BIN3: variants seen among roughly 807,000 people sequenced by gnomAD.
BIN3 encodes the protein bridging integrator 3.
BIN3 carries 41 observed loss-of-function variants against 38.2 expected under a neutral mutation model. That is an observed-to-expected ratio of 1.07 (90% confidence interval 0.84 to 1.39). BIN3 has a LOEUF of 1.39. Ranked by LOEUF, BIN3 falls within the 40% of genes most tolerant of loss-of-function variation. The probability of loss-of-function intolerance (pLI) is 0.00; values close to 1 mark genes in which losing one functional copy is unlikely to be tolerated. For synonymous variants in BIN3, 145 were observed against 122.6 expected (o/e 1.18, Z -1.21); for missense variants, 361 against 324.3 (o/e 1.11, Z -0.87).
rs767983651 is a variant in BIN3 at position 22,621,545 on chromosome 8, G to A, written c.639C>T (p.His213=). Residue 213 remains histidine (H), a synonymous_variant, in exon 9 of 9, where the codon CAC becomes CAT. Coordinates refer to ENST00000276416, the MANE Select transcript of BIN3 (RefSeq NM_018688.6). ...RAQVVYYSEM[H]KIFGDLSHQL... Reference sequence around the variant, plus strand: ...GATGGGACAGGTCTCCAAAGATCTTGTGCATTTCCGAGTAGTACACAACCT... The same window carrying A: ...GATGGGACAGGTCTCCAAAGATCTTATGCATTTCCGAGTAGTACACAACCT... 3 of 1,613,842 alleles carry A rather than the reference G, an allele frequency of 1.9e-6. No homozygotes were observed. In the South Asian group the frequency reaches 3.3e-5, roughly 18 times the overall value.
intron 1 of BIN3, among the ~76,000 whole-genome samples, chr8:22,651,393 C>A (rs1403219244): frequency 1.3e-5 from 2 of 152,232 alleles, no homozygotes; most frequent in African/African-American, 4.8e-5. Context: ...GTGAGGCTCT[C>A]AGCACCAGCT....
At chr8:22,655,916 G>A (rs1803043196) in intron 1 of BIN3, among the ~76,000 whole-genome samples, 1 of 152,120 alleles carries the variant, frequency 6.6e-6, no homozygotes. Flanking sequence ...ATACCACAGA[G>A]TAATCTACCC....
rs1326064862 is a variant in BIN3 at position 22,623,795 on chromosome 8, G to C, written c.615+120C>G. The C allele has an allele frequency of 7.8e-6, 10 of 1,289,912 alleles. No individual in the cohort carries two copies. The Admixed American group carries it at 1.8e-4, about 23-fold the overall frequency. The allele number at this position is 1,289,912 out of a possible 1,614,324, so 79.9% of individuals were successfully genotyped here. Reference sequence around the variant, plus strand: ...ATGGAATGAATTCCTTCAGGGCTTTGCCTGGGGTGGGTGCCCTGTCTTTAC... The same window carrying C: ...ATGGAATGAATTCCTTCAGGGCTTTCCCTGGGGTGGGTGCCCTGTCTTTAC... On this transcript the variant is annotated intron_variant, in intron 8 of 8. Coordinates refer to ENST00000276416, the MANE Select transcript of BIN3 (RefSeq NM_018688.6).
intron 1 of BIN3, among the ~76,000 whole-genome samples, chr8:22,665,746 G>C (rs1205336012): frequency 6.6e-6 from 1 of 152,188 alleles, no homozygotes; most frequent in African/African-American, 2.4e-5. Flanking sequence ...GCCCAGAGTT[G>C]GGCCTCTATC....
chr8:22,647,254 G>A (rs73671243), intron 1 of BIN3, among the ~76,000 whole-genome samples: 2,339 of 152,298 alleles, frequency 0.015, 56 homozygotes, highest in African/African-American at 0.052. Context: ...AAGGGACCAA[G>A]AATCAGAAAC....
intron 1 of BIN3, among the ~76,000 whole-genome samples, chr8:22,668,779 A>G (rs989948939): frequency 2.0e-5 from 3 of 152,220 alleles, no homozygotes; most frequent in African/African-American, 7.2e-5. Context: ...TCAAGGAGCT[A>G]GGAGGACGCG....
intron 1 of BIN3, among the ~76,000 whole-genome samples, chr8:22,660,189 G>A (rs1396382859): frequency 2.6e-5 from 4 of 152,230 alleles, no homozygotes; most frequent in Non-Finnish European, 5.9e-5. Context: ...AAGGAGGCAA[G>A]TTTGGATTTT....
At chr8:22,623,758 G>A (rs1380018633) in intron 8 of BIN3, among the ~76,000 whole-genome samples, 157 bp downstream of exon 8, 1 of 152,180 alleles carries the variant, frequency 6.6e-6, no homozygotes, top group East Asian at 1.9e-4. Flanking sequence ...CGCTGAGCCT[G>A]GGACTCTGGT....
rs779958916 is a variant in BIN3, at chr8:22,630,531, G to A, written c.208C>T (p.Pro70Ser). Reference sequence around the variant, plus strand: ...AGGTCCTGGTCTTGCTCACAGAGGGGATTGGAGAGTAAGTCCAAGGATATC... The same window carrying A: ...AGGTCCTGGTCTTGCTCACAGAGGGAATTGGAGAGTAAGTCCAAGGATATC... Reference protein sequence around the residue: ...VKISLDLLSNPLCEQDQDLLN... With the variant: ...VKISLDLLSNSLCEQDQDLLN... The change falls in exon 5 of 9, where the codon CCC becomes TCC. Residue 70 changes from proline to serine, a missense_variant. Pro to Ser is a moderately conservative substitution (Grantham distance 74, BLOSUM62 -1). Coordinates refer to ENST00000276416, the MANE Select transcript of BIN3 (RefSeq NM_018688.6). 1 of 1,614,054 alleles carries A rather than the reference G, an allele frequency of 6.2e-7. No individual in the cohort carries two copies. The highest frequency in any genetic ancestry group is 1.7e-5 in the Admixed American group (1 of 60,032).
chr8:22,644,617 T>A (rs1422325491), intron 2 of BIN3, 138 bp downstream of exon 2: 2 of 777,604 alleles, frequency 2.6e-6, no homozygotes, highest in East Asian at 5.5e-5. Context: ...TGTGAGGTTC[T>A]AGATCCGCAT....
intron 8 of BIN3, 90 bp from the exon 9 acceptor site, chr8:22,621,658 T>C: frequency 7.5e-7 from 1 of 1,341,046 alleles, no homozygotes; most frequent in Non-Finnish European, 1.0e-6. Flanking sequence ...TGCTACCCCC[T>C]GCCCTTACCC....
chr8:22,632,965 T>C (rs1167158160), intron 4 of BIN3, among the ~76,000 whole-genome samples: 1 of 152,164 alleles, frequency 6.6e-6, no homozygotes, highest in Non-Finnish European at 1.5e-5. Context: ...TGCCTTTGCC[T>C]GCCAAAGTGC....
At position 22,637,047 on chromosome 8, in the gene BIN3, C is replaced by A. The variant is rs575093708; in HGVS notation, c.58-85G>T. On this transcript the variant is annotated intron_variant, in intron 2 of 8. Coordinates refer to ENST00000276416, the MANE Select transcript of BIN3 (RefSeq NM_018688.6). ...CCAGCCTCCTGAAACTCTCTCCACACCCTGCCCCAGTCCGCAGAAAACAAC... is the reference window on the plus strand; with the variant it reads ...CCAGCCTCCTGAAACTCTCTCCACAACCTGCCCCAGTCCGCAGAAAACAAC... 1.3e-4 allele frequency: 162 copies of A among 1,236,444 alleles called. 2 individuals carry two copies. The South Asian group carries it at 2.0e-3, about 15-fold the overall frequency. 76.6% of individuals were successfully genotyped at this position (1,236,444 alleles called of 1,614,324 possible). A position where few individuals can be genotyped will look rare whatever the true frequency, so the allele number is the denominator to read the frequency against.
intron 1 of BIN3, among the ~76,000 whole-genome samples, chr8:22,663,572 T>C (rs1384861092): frequency 6.6e-6 from 1 of 152,144 alleles, no homozygotes; most frequent in Non-Finnish European, 1.5e-5. Context: ...GCCATGCCAC[T>C]TCCCTGCTCA....
intron 4 of BIN3, among the ~76,000 whole-genome samples, chr8:22,633,329 C>A (rs1253952323): frequency 1.3e-5 from 2 of 152,184 alleles, no homozygotes; most frequent in Non-Finnish European, 2.9e-5. Context: ...AACAGCAGGT[C>A]TCCATGCCCC....
At chr8:22,655,668 G>C (rs1803033722) in intron 1 of BIN3, among the ~76,000 whole-genome samples, 1 of 152,128 alleles carries the variant, frequency 6.6e-6, no homozygotes, top group African/African-American at 2.4e-5. Context: ...CATTACTGTA[G>C]CTTTGTAGTA....
chr8:22,660,734 T>A (rs1389646432), intron 1 of BIN3, among the ~76,000 whole-genome samples: 1 of 152,188 alleles, frequency 6.6e-6, no homozygotes, highest in Admixed American at 6.5e-5. Context: ...AGGGAATATA[T>A]AATAAATACT....
intron 1 of BIN3, among the ~76,000 whole-genome samples, chr8:22,657,811 A>G (rs1803103334): frequency 1.3e-5 from 2 of 152,198 alleles, no homozygotes; most frequent in African/African-American, 2.4e-5. Context: ...TGGGTCTCCC[A>G]CTGCAGGCAC....
At chr8:22,668,426 C>T (rs1803497191) in intron 1 of BIN3, among the ~76,000 whole-genome samples, 1 of 152,218 alleles carries the variant, frequency 6.6e-6, no homozygotes, top group Non-Finnish European at 1.5e-5. Context: ...TAAGTTTAAA[C>T]TTAACCATGC....
Sources: allele counts gnomAD v4.1 joint callset (sites outside exome capture counted in the v4.1 genomes callset), GRCh38; gene constraint gnomAD v4.1.1; transcripts MANE v1.5; gene names NCBI Gene and HGNC (gene_info 2026-07-23, HGNC 2026-07-21).